Variants in COL24A1 observed in about 807,000 individuals in gnomAD.
COL24A1 encodes collagen alpha-1(XXIV) chain.
In COL24A1, 224 loss-of-function variants were observed where a neutral mutation model predicts 253.9. The ratio of observed to expected loss-of-function variants is 0.88; its 90% CI spans 0.79 to 0.99. The LOEUF is 0.99. Ranked by LOEUF, COL24A1 falls within the 50% of genes least tolerant of loss-of-function variation. COL24A1 has a pLI of 0.00. For synonymous variants in COL24A1, 685 were observed against 673.7 expected (o/e 1.02, Z -0.26); for missense variants, 2,131 against 2,068.5 (o/e 1.03, Z -0.59).
chr1:85,878,639 G>A lies in COL24A1; in HGVS notation c.2977-1464C>T, dbSNP rs555346542. 5.3e-5 allele frequency among the ~76,000 whole-genome samples: 8 copies of A among 152,250 alleles called. No individual in the cohort carries two copies. In the South Asian group the frequency reaches 1.7e-3, roughly 32 times the overall value. On this transcript the variant is annotated intron_variant, in intron 32 of 59. Coordinates refer to ENST00000370571, the MANE Select transcript of COL24A1 (RefSeq NM_152890.7). ...GGATCATATGTTAAGAGTATGCCTA[G>A]CTTCTTAAAAAACTGCCATACTGTC... is the stretch of plus-strand genomic sequence containing the variant.
chr1:86,074,784 C>T (rs973010451), intron 7 of COL24A1, among the ~76,000 whole-genome samples: 1 of 151,808 alleles, frequency 6.6e-6, no homozygotes, highest in Admixed American at 6.6e-5. Context: ...AACTGAACAA[C>T]CTGCTCCTGA....
chr1:85,841,957 C>T, intron 41 of COL24A1, 111 bp downstream of exon 41: 18 of 876,116 alleles, frequency 2.1e-5, no homozygotes, highest in Non-Finnish European at 3.2e-5. Flanking sequence ...AAATTTTCAA[C>T]TTTAAAAGTG....
chr1:86,098,162 G>A (rs1468617187), intron 5 of COL24A1, among the ~76,000 whole-genome samples: 1 of 152,202 alleles, frequency 6.6e-6, no homozygotes, highest in African/African-American at 2.4e-5. Context: ...ATACTCCCTA[G>A]TCTGCATGGA....
intron 5 of COL24A1, 81 bp from the exon 6 acceptor site, chr1:86,092,401 G>T: frequency 1.0e-6 from 1 of 969,522 alleles, no homozygotes; most frequent in Non-Finnish European, 1.6e-6. Flanking sequence ...TTTATTACCA[G>T]ATGTTATATA....
At chr1:85,873,161 C>T (rs1442361225) in intron 35 of COL24A1, among the ~76,000 whole-genome samples, 12 of 152,044 alleles carry the variant, frequency 7.9e-5, no homozygotes, top group Non-Finnish European at 1.2e-4. Flanking sequence ...GTTAGAATGG[C>T]GATCATTAAA....
intron 19 of COL24A1, among the ~76,000 whole-genome samples, chr1:85,990,083 C>T (rs375282814): frequency 1.3e-5 from 2 of 152,058 alleles, no homozygotes; most frequent in African/African-American, 2.4e-5. Context: ...AATGCTTTGT[C>T]GTTGTTGTAG....
intron 43 of COL24A1, among the ~76,000 whole-genome samples, chr1:85,832,255 C>T (rs1166903329): frequency 6.6e-6 from 1 of 151,990 alleles, no homozygotes; most frequent in Non-Finnish European, 1.5e-5. Flanking sequence ...GGCATTATTT[C>T]TGAGGGCTCT....
chr1:86,017,816 C>A (rs1236468760), intron 18 of COL24A1, among the ~76,000 whole-genome samples: 1 of 152,148 alleles, frequency 6.6e-6, no homozygotes, highest in Non-Finnish European at 1.5e-5. Context: ...AAATGTCAAC[C>A]AATTTTACAA....
intron 6 of COL24A1, among the ~76,000 whole-genome samples, chr1:86,089,852 T>G (rs924583773): frequency 2.0e-5 from 3 of 152,142 alleles, no homozygotes; most frequent in Non-Finnish European, 2.9e-5. Flanking sequence ...AAATTGAAAG[T>G]AGTTTCCCTA....
intron 24 of COL24A1, among the ~76,000 whole-genome samples, chr1:85,955,400 C>T (rs770442602): frequency 1.3e-5 from 2 of 152,244 alleles, no homozygotes; most frequent in Non-Finnish European, 2.9e-5. Context: ...ATACAGAAAG[C>T]CCTCTGTCTT....
chr1:86,131,441 C>G (rs924550727), intron 2 of COL24A1, among the ~76,000 whole-genome samples: 1 of 151,864 alleles, frequency 6.6e-6, no homozygotes, highest in East Asian at 1.9e-4. Context: ...TACACATGTG[C>G]CATGTTGGTG....
At chr1:85,924,850 G>C (rs746688052) in intron 24 of COL24A1, among the ~76,000 whole-genome samples, 2 of 152,180 alleles carry the variant, frequency 1.3e-5, no homozygotes, top group Non-Finnish European at 1.5e-5. Flanking sequence ...AGAAATAAAG[G>C]GTATTCAATT....
rs753761215 is a variant in COL24A1, at chr1:85,868,643, A to C, written c.3193-17T>G. The C allele has an allele frequency of 2.2e-5, 35 of 1,603,924 alleles. No homozygotes were observed. The East Asian group carries it at 7.8e-4, about 36-fold the overall frequency. Reference sequence around the variant, plus strand: ...TGGTACTCCCTGTAATGCAATAAAAAAGTTTTCTATAAAGGAATACAGTGA... The same window carrying C: ...TGGTACTCCCTGTAATGCAATAAAACAGTTTTCTATAAAGGAATACAGTGA... On this transcript the variant is annotated splice_polypyrimidine_tract_variant and intron_variant, in intron 36 of 59. Transcript: ENST00000370571.
intron 19 of COL24A1, among the ~76,000 whole-genome samples, chr1:86,000,388 A>G (rs1304954455): frequency 6.6e-6 from 1 of 152,240 alleles, no homozygotes; most frequent in Non-Finnish European, 1.5e-5. Flanking sequence ...TACTAGGCAC[A>G]TATTTGCACA....
rs1478883024 is a variant in COL24A1, at chr1:86,125,365, G to A, written c.971C>T (p.Ala324Val). Residue 324 changes from alanine (A) to valine (V), a missense_variant, in exon 3 of 60, where the codon GCT becomes GTT. By Grantham distance (64) the Ala-to-Val change is moderately conservative. Coordinates refer to ENST00000370571, the MANE Select transcript of COL24A1 (RefSeq NM_152890.7). ...AATCCCATGGTTTGTGAGATCCACA[G>A]CAGAGACATTTCCTGACTGAAGAGA... ...LSSLQSGNVS[A>V]VDLTNHGIQA... The A allele has an allele frequency of 6.2e-7, 1 of 1,613,658 alleles. No individual in the cohort carries two copies. The highest frequency in any genetic ancestry group is 1.1e-5 in the South Asian group (1 of 91,074).
intron 7 of COL24A1, among the ~76,000 whole-genome samples, chr1:86,076,001 T>C (rs998905437): frequency 5.9e-5 from 9 of 152,220 alleles, no homozygotes; most frequent in Admixed American, 4.6e-4. Context: ...GGATGCCCTC[T>C]CTCACCACTT....
intron 20 of COL24A1, among the ~76,000 whole-genome samples, chr1:85,986,773 C>T (rs547318030): frequency 2.6e-4 from 39 of 151,832 alleles, no homozygotes; most frequent in African/African-American, 8.9e-4. Context: ...TCCTTTCCAG[C>T]TTCATCTCCT....
chr1:86,032,510 A>C (rs142946287), intron 13 of COL24A1, among the ~76,000 whole-genome samples: 147 of 152,204 alleles, frequency 9.7e-4, no homozygotes, highest in African/African-American at 3.3e-3. Flanking sequence ...TTTCATGATC[A>C]TTATTAATTT....
chr1:86,085,713 C>T (rs1703012174), intron 7 of COL24A1, among the ~76,000 whole-genome samples: 1 of 152,146 alleles, frequency 6.6e-6, no homozygotes, highest in Non-Finnish European at 1.5e-5. Flanking sequence ...AATTCAGACA[C>T]TCAGTAAGAA....
Sources: gnomAD v4.1 joint callset for allele counts (sites outside exome capture counted in the v4.1 genomes callset) on GRCh38, gnomAD v4.1.1 for gene constraint, MANE v1.5 for transcripts, NCBI Gene and HGNC (gene_info 2026-07-23, HGNC 2026-07-21) for gene names.